Variants in SMAD6 observed in about 807,000 individuals in gnomAD.
SMAD6 encodes the protein MAD homolog 6.
SMAD6 carries 103 observed loss-of-function variants against 39.4 expected under a neutral mutation model. The observed-to-expected ratio is 2.62, with a 90% CI of 2.23 to 3.08. The LOEUF (loss-of-function observed/expected upper bound fraction) is 3.08. Among genes scored for constraint, SMAD6 ranks in the 30% most tolerant of loss-of-function variants. The probability of loss-of-function intolerance (pLI) is 0.00; values close to 1 mark genes in which losing one functional copy is unlikely to be tolerated. For missense variants in SMAD6, 1,104 were observed against 742.9 expected (o/e 1.49, Z -5.65); for synonymous variants, 445 against 353.3 (o/e 1.26, Z -2.91).
At position 66,747,866 on chromosome 15, in the gene SMAD6, C is replaced by T. The variant is rs997494793; in HGVS notation, c.952+31368C>T. Among the ~76,000 whole-genome samples the T allele has an allele frequency of 6.6e-6, 1 of 152,170 alleles. No homozygotes were observed. Among genetic ancestry groups the T allele is most frequent in the Admixed American group, 6.5e-5 (1 of 15,282 alleles). ...TCTGTCCCTCGTAGGAACCCTTAAT[C>T]CTTCCCATTCTCACCCCTGCAGAGA... On this transcript the variant is annotated intron_variant, in intron 3 of 3. Coordinates refer to ENST00000288840, the MANE Select transcript of SMAD6 (RefSeq NM_005585.5). The surrounding 1 kb of genome is among the most constrained non-coding windows in gnomAD (Gnocchi z 4.5).
At chr15:66,767,959 CTTTTTTT>C (rs71142337) in intron 3 of SMAD6, among the ~76,000 whole-genome samples, 1 of 60,252 alleles carries the variant, frequency 1.7e-5, no homozygotes, top group African/African-American at 6.8e-5. Flanking sequence ...CAAGCTGCAT[CTTTTTTT>C]TTTTTTTTTT....
chr15:66,730,660 G>T (rs1232053883), intron 3 of SMAD6, among the ~76,000 whole-genome samples: 1 of 152,242 alleles, frequency 6.6e-6, no homozygotes, highest in African/African-American at 2.4e-5. Flanking sequence ...AGCAGTAGGA[G>T]TAGTAATAAC....
intron 1 of SMAD6, among the ~76,000 whole-genome samples, chr15:66,711,251 C>G (rs962622165): frequency 6.6e-6 from 1 of 152,210 alleles, no homozygotes; most frequent in Non-Finnish European, 1.5e-5. Flanking sequence ...CTCTGACTTT[C>G]CCTGCACTCA....
chr15:66,726,552 T>G (rs551829918), intron 3 of SMAD6, among the ~76,000 whole-genome samples: 2 of 152,308 alleles, frequency 1.3e-5, no homozygotes, highest in South Asian at 4.1e-4. Context: ...CCCTGTCTCC[T>G]GCTACCTGGC....
intron 3 of SMAD6, among the ~76,000 whole-genome samples, chr15:66,733,686 G>C (rs992702957): frequency 1.3e-5 from 2 of 152,148 alleles, no homozygotes; most frequent in African/African-American, 4.8e-5. Flanking sequence ...TGTTTTTTCA[G>C]GGGAAGAGTT....
At chr15:66,717,860 C>T (rs1364136859) in intron 3 of SMAD6, among the ~76,000 whole-genome samples, 1 of 152,148 alleles carries the variant, frequency 6.6e-6, no homozygotes, top group African/African-American at 2.4e-5. Flanking sequence ...ACTTCCTTCT[C>T]TAATAATTTA....
intron 3 of SMAD6, among the ~76,000 whole-genome samples, chr15:66,769,214 G>A (rs1894340222): frequency 6.6e-6 from 1 of 152,180 alleles, no homozygotes; most frequent in Admixed American, 6.5e-5. Context: ...GCGGGTGTTG[G>A]ATGTGTGGGG....
At chr15:66,704,229 G>T in intron 1 of SMAD6, 154 bp downstream of exon 1, 1 of 479,772 alleles carries the variant, frequency 2.1e-6, no homozygotes, top group East Asian at 3.6e-5. Context: ...GCCTCAGACC[G>T]GCCGAGGGGA....
At chr15:66,709,657 T>C (rs1340195954) in intron 1 of SMAD6, among the ~76,000 whole-genome samples, 1 of 152,194 alleles carries the variant, frequency 6.6e-6, no homozygotes, top group Admixed American at 6.5e-5. Context: ...ATTGCAGGCT[T>C]TCTGATAAGT....
intron 3 of SMAD6, among the ~76,000 whole-genome samples, chr15:66,779,572 G>A (rs115179133): frequency 0.014 from 2,200 of 152,342 alleles, 52 homozygotes; most frequent in African/African-American, 0.051. Flanking sequence ...GTAAGGGGAT[G>A]TCAGGGGCCC....
intron 2 of SMAD6, among the ~76,000 whole-genome samples, chr15:66,715,029 G>GCCA (rs1893300228): frequency 1.1e-5 from 1 of 93,734 alleles, no homozygotes; most frequent in Non-Finnish European, 1.9e-5. Context: ...TGAGCACTGA[G>GCCA]CTTTTTTTTT....
At chr15:66,711,757 G>T (rs761905132) in intron 2 of SMAD6, 33 bp downstream of exon 2, 2 of 1,574,694 alleles carry the variant, frequency 1.3e-6, no homozygotes, top group South Asian at 1.1e-5. Context: ...CCTTGCAGAG[G>T]TGTGTCCCGA....
At chr15:66,723,447 C>T (rs1893469618) in intron 3 of SMAD6, among the ~76,000 whole-genome samples, 1 of 152,126 alleles carries the variant, frequency 6.6e-6, no homozygotes, top group Admixed American at 6.6e-5. Flanking sequence ...CAGGCTGAGG[C>T]AGGAGGATTG....
At position 66,711,041 on chromosome 15, in the gene SMAD6, C is replaced by T. The variant is rs929334978; in HGVS notation, c.818-627C>T. On this transcript the variant is annotated intron_variant, in intron 1 of 3. Coordinates refer to ENST00000288840, the MANE Select transcript of SMAD6 (RefSeq NM_005585.5). The stretch of plus-strand genomic sequence containing the variant: ...GAGTTTCTGTGTCTGGGCCTTTGCA[C>T]TCACACTAGGCTTGCCAAATTTAGC... Among the ~76,000 whole-genome samples, 6 of 152,322 alleles carry T rather than the reference C, an allele frequency of 3.9e-5. No individual in the cohort carries two copies. The East Asian group carries it at 5.8e-4, about 15-fold the overall frequency.
intron 1 of SMAD6, chr15:66,705,214 A>T (rs1357502048): frequency 6.6e-6 from 1 of 152,072 alleles, no homozygotes; most frequent in South Asian, 2.1e-4. Context: ...GTGGAAGGGG[A>T]AAGTGGGTCT....
Position 66,703,381 on chromosome 15 carries a change from C to A in SMAD6, c.123C>A (p.Ser41Arg). 1 of 1,435,658 alleles carries A rather than the reference C, an allele frequency of 7.0e-7. No homozygotes were observed. The highest frequency in any genetic ancestry group is 1.5e-5 in the African/African-American group (1 of 66,748). 88.9% of individuals were successfully genotyped at this position (1,435,658 alleles called of 1,614,324 possible). A position where few individuals can be genotyped will look rare whatever the true frequency, so the allele number is the denominator to read the frequency against. Residue 41 changes from serine (S) to arginine (R), a missense_variant, in exon 1 of 4, where the codon AGC becomes AGA. Transcript: ENST00000288840. ...GGGDEDGSLG[S>R]RAEPAPRARE... The stretch of plus-strand genomic sequence containing the variant: ...GCGACGAGGATGGGAGCTTGGGCAG[C>A]CGAGCTGAGCCGGCCCCGCGGGCAA...
At chr15:66,769,424 T>C (rs1380243903) in intron 3 of SMAD6, among the ~76,000 whole-genome samples, 1 of 152,144 alleles carries the variant, frequency 6.6e-6, no homozygotes, top group African/African-American at 2.4e-5. Context: ...TTTGCACCAG[T>C]TCACCTCTCC....
At chr15:66,745,851 T>A (rs1400443761) in intron 3 of SMAD6, among the ~76,000 whole-genome samples, 1 of 152,174 alleles carries the variant, frequency 6.6e-6, no homozygotes, top group Non-Finnish European at 1.5e-5. Flanking sequence ...TCTTTCTAGA[T>A]AAGAACCACA....
In SMAD6 at chr15:66,703,388, G is replaced by C. The variant is rs1257937358; in HGVS notation, c.130G>C (p.Glu44Gln). 2.2e-5 allele frequency: 31 copies of C among 1,420,726 alleles called. No individual in the cohort carries two copies. Among genetic ancestry groups the C allele is most frequent in the Non-Finnish European group, 2.8e-5 (30 of 1,086,902 alleles). The allele number at this position is 1,420,726 out of a possible 1,614,324, so 88.0% of individuals were successfully genotyped here. A position where few individuals can be genotyped will look rare whatever the true frequency, so the allele number is the denominator to read the frequency against. ...DEDGSLGSRA[E>Q]PAPRAREGGG... is the part of the protein sequence containing the mutation. ...GGATGGGAGCTTGGGCAGCCGAGCT[G>C]AGCCGGCCCCGCGGGCAAGAGAGGG... Residue 44 changes from glutamate (E) to glutamine (Q), a missense_variant, in exon 1 of 4, where the codon GAG becomes CAG. Transcript: ENST00000288840.
Sources: gnomAD v4.1 joint callset for allele counts (sites outside exome capture counted in the v4.1 genomes callset) on GRCh38, gnomAD v4.1.1 for gene constraint, Gnocchi (gnomAD v3.1) non-coding constraint, MANE v1.5 for transcripts, NCBI Gene and HGNC (gene_info 2026-07-23, HGNC 2026-07-21) for gene names.